Variants in SH3PXD2B observed in about 807,000 individuals in gnomAD.
The protein encoded by SH3PXD2B is SH3 and PX domains 2B, also known as SH3 and PX domain-containing protein 2B.
A neutral mutation model predicts 73.1 loss-of-function variants in SH3PXD2B; 37 were observed. The observed-to-expected ratio is 0.51, with a 90% CI of 0.39 to 0.67. The LOEUF (loss-of-function observed/expected upper bound fraction) is 0.67, where lower values mean the gene tolerates loss of function less well. SH3PXD2B is among the 30% of genes least tolerant of loss of function. SH3PXD2B has a pLI of 0.00. For missense variants in SH3PXD2B, 1,053 were observed against 1,197.8 expected, an observed-to-expected ratio of 0.88 and a Z score of 1.78; for synonymous variants, 457 against 480.5, an observed-to-expected ratio of 0.95 and a Z score of 0.64.
chr5:172,402,870 G>A (rs775721886), intron 3 of SH3PXD2B, among the ~76,000 whole-genome samples: 48 of 152,364 alleles, frequency 3.2e-4, no homozygotes, highest in South Asian at 3.1e-3. Flanking sequence ...CAGAGTGCAC[G>A]TTCTTTCCTC....
At chr5:172,389,011 A>ATCCT in intron 4 of SH3PXD2B, among the ~76,000 whole-genome samples, 1 of 152,080 alleles carries the variant, frequency 6.6e-6, no homozygotes, top group Admixed American at 6.5e-5. Flanking sequence ...TCTGGCTCTA[A>ATCCT]GAAACACACA....
rs1206519686 is a variant in SH3PXD2B, at chr5:172,368,583, T to TA, written c.427+5206dup. On this transcript the variant is annotated intron_variant, in intron 6 of 12. Coordinates refer to ENST00000311601, the MANE Select transcript of SH3PXD2B (RefSeq NM_001017995.3). ...ATATATATAAAATATGTTATATATA[T>TA]ATATAAAATATGTTATATATATAAT... Among the ~76,000 whole-genome samples, 7 of 13,608 alleles carry TA rather than the reference T, an allele frequency of 5.1e-4. 1 individual carries two copies. Among genetic ancestry groups the TA allele is most frequent in the African/African-American group, 2.3e-3 (4 of 1,714 alleles). 8.9% of individuals were successfully genotyped at this position (13,608 alleles called of 152,430 possible). A position where few individuals can be genotyped will look rare whatever the true frequency, so the allele number is the denominator to read the frequency against.
intron 1 of SH3PXD2B, among the ~76,000 whole-genome samples, chr5:172,442,702 A>G (rs916379359): frequency 6.6e-6 from 1 of 152,190 alleles, no homozygotes; most frequent in Non-Finnish European, 1.5e-5. Context: ...TAGTCAGATA[A>G]ATGATGATGA....
intron 1 of SH3PXD2B, among the ~76,000 whole-genome samples, chr5:172,425,489 C>T (rs1383417991): frequency 6.6e-6 from 1 of 152,046 alleles, no homozygotes; most frequent in East Asian, 1.9e-4. Context: ...GGGTGAGGAG[C>T]TGGTCGAGAG....
At chr5:172,349,387 CCCATGCAGACATGGTATGGTAG>C (rs1757105537) in intron 10 of SH3PXD2B, among the ~76,000 whole-genome samples, 2 of 152,216 alleles carry the variant, frequency 1.3e-5, no homozygotes, top group South Asian at 4.1e-4. Context: ...CACCAGCGTG[CCCATGCAGACATGGTATGGTAG>C]CCAGTGTGAC....
downstream of SH3PXD2B, among the ~76,000 whole-genome samples, chr5:172,329,038 T>C (rs1189057446): frequency 2.3e-5 from 3 of 129,530 alleles, no homozygotes; most frequent in South Asian, 2.4e-4. Flanking sequence ...TATACGTATA[T>C]ATATGTATGT....
intron 1 of SH3PXD2B, among the ~76,000 whole-genome samples, chr5:172,436,073 ACT>A (rs1581338270): frequency 6.6e-6 from 1 of 152,044 alleles, no homozygotes; most frequent in East Asian, 1.9e-4. Flanking sequence ...TTAGGGTTAC[ACT>A]CTCAGCTGTG....
chr5:172,400,694 T>C (rs1376010373), intron 3 of SH3PXD2B, among the ~76,000 whole-genome samples: 2 of 152,138 alleles, frequency 1.3e-5, no homozygotes, highest in Admixed American at 1.3e-4. Context: ...CCACACAGAG[T>C]TGTGTTAAGC....
intron 2 of SH3PXD2B, among the ~76,000 whole-genome samples, chr5:172,414,178 A>T (rs1758763325): frequency 1.3e-5 from 2 of 152,162 alleles, no homozygotes; most frequent in Non-Finnish European, 1.5e-5. Flanking sequence ...TTAGAAGGAG[A>T]CAGGTCAAGG....
At chr5:172,341,647 GTATT>G (rs966781278) in intron 12 of SH3PXD2B, among the ~76,000 whole-genome samples, 8 of 151,994 alleles carry the variant, frequency 5.3e-5, no homozygotes, top group South Asian at 2.1e-4. Context: ...CCAGTCTCAG[GTATT>G]TATTTATTTA....
At chr5:172,398,098 C>T (rs917686000) in intron 3 of SH3PXD2B, among the ~76,000 whole-genome samples, 1 of 152,192 alleles carries the variant, frequency 6.6e-6, no homozygotes, top group Non-Finnish European at 1.5e-5. Flanking sequence ...TTCTCCTTCC[C>T]CCTGGAATTC....
chr5:172,395,068 C>T (rs139321383), intron 3 of SH3PXD2B, among the ~76,000 whole-genome samples: 1 of 152,220 alleles, frequency 6.6e-6, no homozygotes, highest in African/African-American at 2.4e-5. Flanking sequence ...CCTCATTCAC[C>T]CTCTGCCTTT....
In SH3PXD2B at chr5:172,335,489, A is replaced by G; in HGVS notation, c.*2880T>C. The G allele has an allele frequency of 8.1e-7, 1 of 1,231,422 alleles. No individual in the cohort carries two copies. Among genetic ancestry groups the G allele is most frequent in the Non-Finnish European group, 1.0e-6 (1 of 987,888 alleles). The allele number at this position is 1,231,422 out of a possible 1,614,324, so 76.3% of individuals were successfully genotyped here. ...CAGTCCCAGCTTGGCCACTATTTGG[A>G]CCTTCTCCCTCTGAACCTTAATTTT... On this transcript the variant is annotated 3_prime_UTR_variant, in exon 13 of 13. Coordinates refer to ENST00000311601, the MANE Select transcript of SH3PXD2B (RefSeq NM_001017995.3).
chr5:172,428,546 T>C (rs1759158287), intron 1 of SH3PXD2B, among the ~76,000 whole-genome samples: 1 of 152,226 alleles, frequency 6.6e-6, no homozygotes, highest in East Asian at 1.9e-4. Flanking sequence ...TGAAAGGCTG[T>C]TGAACAGGAC....
intron 4 of SH3PXD2B, 116 bp downstream of exon 4, chr5:172,394,447 C>T: frequency 2.9e-6 from 3 of 1,039,766 alleles, no homozygotes; most frequent in Non-Finnish European, 2.9e-6. Flanking sequence ...CCCCTAATTT[C>T]TTTACATTCC....
chr5:172,333,433 G>A (rs997256480), downstream of SH3PXD2B: 5 of 977,246 alleles, frequency 5.1e-6, no homozygotes, highest in African/African-American at 1.8e-5. Flanking sequence ...CTTTGATCCC[G>A]AAGATCCCAG....
At chr5:172,375,020 C>T (rs972663471) in intron 5 of SH3PXD2B, among the ~76,000 whole-genome samples, 3 of 152,144 alleles carry the variant, frequency 2.0e-5, no homozygotes, top group Non-Finnish European at 2.9e-5. Context: ...GAACCCAGAT[C>T]GAACTAACTT....
At chr5:172,380,224 ATT>A (rs11313404) in intron 5 of SH3PXD2B, among the ~76,000 whole-genome samples, 81 of 150,934 alleles carry the variant, frequency 5.4e-4, no homozygotes, top group African/African-American at 1.8e-3. Flanking sequence ...TGCCCGGCTA[ATT>A]TTTTTTTTAT....
At chr5:172,401,801 T>C (rs531593617) in intron 3 of SH3PXD2B, among the ~76,000 whole-genome samples, 1 of 152,344 alleles carries the variant, frequency 6.6e-6, no homozygotes, top group African/African-American at 2.4e-5. Flanking sequence ...CATGTATCAC[T>C]TCCCCAATCA....
Sources: gnomAD v4.1 joint callset for allele counts (sites outside exome capture counted in the v4.1 genomes callset) on GRCh38, gnomAD v4.1.1 for gene constraint, MANE v1.5 for transcripts, NCBI Gene and HGNC (gene_info 2026-07-23, HGNC 2026-07-21) for gene names.